The following DST variants were observed in gnomAD, a reference collection of about 807,000 sequenced individuals.
DST encodes the protein dystonin.
DST carries 253 observed loss-of-function variants against 875.2 expected under a neutral mutation model. That is an observed-to-expected ratio of 0.29 (90% CI 0.26 to 0.32). The LOEUF is 0.32. Among genes scored for constraint, DST ranks in the 10% least tolerant of loss-of-function variants. DST has a pLI of 1.00. For missense variants in DST, 8,287 were observed against 9,111.6 expected, an observed-to-expected ratio of 0.91 and a Z score of 3.68; for synonymous variants, 3,124 against 3,197.1, an observed-to-expected ratio of 0.98 and a Z score of 0.77.
At chr6:56,944,396 T>C (rs1056246929) in intron 2 of DST, among the ~76,000 whole-genome samples, 1 of 151,608 alleles carries the variant, frequency 6.6e-6, no homozygotes, top group Non-Finnish European at 1.5e-5. Flanking sequence ...GCGGGAGTCA[T>C]GAAAGTTTCC....
intron 3 of DST, among the ~76,000 whole-genome samples, chr6:56,852,653 C>G (rs761759180): frequency 3.3e-5 from 5 of 152,242 alleles, no homozygotes; most frequent in Non-Finnish European, 7.3e-5. Flanking sequence ...TTGACTATCT[C>G]TGCTGCAAAA....
chr6:56,940,012 C>G (rs1201181909), intron 2 of DST, among the ~76,000 whole-genome samples: 2 of 150,844 alleles, frequency 1.3e-5, no homozygotes, highest in Non-Finnish European at 2.9e-5. Flanking sequence ...CGTGACAGAG[C>G]AAGACTCCGT....
chr6:56,572,052 C>T (rs1344524584), intron 53 of DST, 48 bp downstream of exon 53: 38 of 1,131,184 alleles, frequency 3.4e-5, no homozygotes, highest in Admixed American at 7.0e-5. Context: ...GTATCTCACT[C>T]TAATTAATAT....
chr6:56,668,610 T>G (rs2099084022), intron 10 of DST, among the ~76,000 whole-genome samples: 1 of 151,508 alleles, frequency 6.6e-6, no homozygotes, highest in African/African-American at 2.4e-5. Context: ...TTTAAAAAAT[T>G]TAAAAAAATT....
intron 74 of DST, 35 bp downstream of exon 74, chr6:56,509,607 C>T (rs767452654): frequency 1.1e-5 from 17 of 1,518,672 alleles, no homozygotes; most frequent in Admixed American, 1.7e-5. Flanking sequence ...ATTTAGAATG[C>T]TTTAAAATTT....
At chr6:56,914,427 A>C (rs2127723615) in intron 2 of DST, among the ~76,000 whole-genome samples, 2 of 152,300 alleles carry the variant, frequency 1.3e-5, no homozygotes, top group Middle Eastern at 6.8e-3. Context: ...GCTAGCTGTC[A>C]CATCCCGTCC....
intron 5 of DST, among the ~76,000 whole-genome samples, chr6:56,731,408 T>A (rs1266910638): frequency 6.6e-6 from 1 of 152,248 alleles, no homozygotes; most frequent in Non-Finnish European, 1.5e-5. Flanking sequence ...CATTTTTGGA[T>A]TGTTCTTTGC....
At chr6:56,484,010 C>T (rs2095487147) in intron 88 of DST, 1 of 152,118 alleles carries the variant, frequency 6.6e-6, no homozygotes, top group African/African-American at 2.4e-5. Flanking sequence ...AGAAGACTTT[C>T]CAAAGCATTT....
intron 80 of DST, among the ~76,000 whole-genome samples, chr6:56,500,024 T>C (rs2152456653): frequency 6.6e-6 from 1 of 152,132 alleles, no homozygotes; most frequent in Non-Finnish European, 1.5e-5. Flanking sequence ...TCAATGTAGA[T>C]AGACAAGGTA....
At chr6:56,920,379 C>T (rs897148297) in intron 2 of DST, among the ~76,000 whole-genome samples, 6 of 152,168 alleles carry the variant, frequency 3.9e-5, no homozygotes, top group Admixed American at 6.5e-5. Context: ...TATATCCAAT[C>T]GGCCATAACT....
chr6:56,500,606 A>C (rs2096087223), intron 80 of DST, among the ~76,000 whole-genome samples: 1 of 152,196 alleles, frequency 6.6e-6, no homozygotes. Context: ...AGACAGATAA[A>C]AATATGTCAG....
chr6:56,757,483 T>C (rs1484883733), intron 4 of DST, among the ~76,000 whole-genome samples: 5 of 152,038 alleles, frequency 3.3e-5, no homozygotes, highest in African/African-American at 9.7e-5. Flanking sequence ...ATGTGAGCTG[T>C]GGACTCACAG....
At position 56,763,223 on chromosome 6, in the gene DST, T is replaced by C. The variant is rs117021265; in HGVS notation, c.626-27934A>G. ...ATTTGCCATACATGACCATGTGTTC[T>C]AGTTTTCTCCTTACATATTTCAGGC... On this transcript the variant is annotated intron_variant, in intron 4 of 103. Transcript: ENST00000680361. 2.9e-3 allele frequency among the ~76,000 whole-genome samples: 447 copies of C among 152,310 alleles called. 5 individuals carry two copies. The highest frequency in any genetic ancestry group is 0.021 in the East Asian group (110 of 5,182).
chr6:56,615,035 G>C, intron 36 of DST: 3 of 1,002,612 alleles, frequency 3.0e-6, no homozygotes, highest in Non-Finnish European at 3.6e-6. Flanking sequence ...ACAGAAAAAG[G>C]CAAAACTTTT....
chr6:56,871,753 G>T, intron 3 of DST: 7 of 337,786 alleles, frequency 2.1e-5, no homozygotes, highest in Non-Finnish European at 3.8e-5. Context: ...TAAATTCAGC[G>T]TTAAAATAAA....
chr6:56,460,926 T>C (rs1363015966), intron 102 of DST: 1 of 152,020 alleles, frequency 6.6e-6, no homozygotes, highest in East Asian at 1.9e-4. Flanking sequence ...TTGTAGAGAA[T>C]GTCTAAAACA....
chr6:56,684,458 T>C (rs1488514502), intron 9 of DST, among the ~76,000 whole-genome samples: 1 of 152,146 alleles, frequency 6.6e-6, no homozygotes, highest in Non-Finnish European at 1.5e-5. Flanking sequence ...TAAGAAATCA[T>C]GGGGATTCAA....
chr6:56,584,578 C>T (rs1299986782), intron 49 of DST, among the ~76,000 whole-genome samples: 13 of 150,964 alleles, frequency 8.6e-5, no homozygotes, highest in Admixed American at 3.3e-4. Flanking sequence ...AATTGAATAC[C>T]CTTTATTTCC....
intron 89 of DST, 37 bp downstream of exon 89, chr6:56,482,646 T>A: frequency 6.3e-7 from 1 of 1,584,766 alleles, no homozygotes; most frequent in Non-Finnish European, 8.6e-7. Context: ...TCAATACTTT[T>A]CCCATTACAC....
Sources: gnomAD v4.1 joint callset for allele counts (sites outside exome capture counted in the v4.1 genomes callset) on GRCh38, gnomAD v4.1.1 for gene constraint, MANE v1.5 for transcripts, NCBI Gene and HGNC (gene_info 2026-07-23, HGNC 2026-07-21) for gene names.